Variants in MUC5B observed in about 807,000 individuals in gnomAD.
MUC5B encodes mucin-5B.
A neutral mutation model predicts 376.9 loss-of-function variants in MUC5B; 116 were observed. The ratio of observed to expected loss-of-function variants is 0.31; its 90% CI spans 0.26 to 0.36. The LOEUF is 0.36. Ranked by LOEUF, MUC5B falls within the 10% of genes least tolerant of loss-of-function variation. The pLI, the probability that MUC5B is intolerant of heterozygous loss-of-function variation, is 1.00. For missense variants in MUC5B, 7,165 were observed against 7,769.9 expected, an observed-to-expected ratio of 0.92 and a Z score of 2.93; for synonymous variants, 3,517 against 3,390.9, an observed-to-expected ratio of 1.04 and a Z score of -1.29.
Position 1,252,889 on chromosome 11 carries a change from G to A in MUC5B, c.15126G>A (p.Lys5042=). ...GDNRVVLLDP[K]PVANVTCVNK... ...ACCGTGTCGTCCTGCTGGACCCAAA[G>A]CCTGTGGCCAACGTCACCTGCGTGA... The change falls in exon 33 of 49, where the codon AAG becomes AAA. Residue 5042 remains lysine (K), a synonymous_variant. Transcript: ENST00000529681. 1.2e-6 allele frequency: 2 copies of A among 1,612,684 alleles called. No homozygotes were observed. Among genetic ancestry groups the A allele is most frequent in the South Asian group, 2.2e-5 (2 of 91,066 alleles).
At chr11:1,252,670 G>C in intron 32 of MUC5B, 139 bp from the exon 33 acceptor site, 1 of 1,388,064 alleles carries the variant, frequency 7.2e-7, no homozygotes, top group South Asian at 1.4e-5. Context: ...AGGGCCTAGG[G>C]GCCAGGCTAG....
At position 1,230,952 on chromosome 11, in the gene MUC5B, C is replaced by T. The variant is rs765961535; in HGVS notation, c.1487C>T (p.Ala496Val). 49 of 1,593,212 alleles carry T rather than the reference C, an allele frequency of 3.1e-5. No homozygotes were observed. Among genetic ancestry groups the T allele is most frequent in the Admixed American group, 2.1e-4 (12 of 57,902 alleles). ...DGGDTAIRVQ[A>V]DGGVFLNSIY... is the part of the protein sequence containing the mutation. ...CTTCCGCAGGCCATCCGGGTCCAAG[C>T]GGACGGCGGCGTGTTCCTCAACTCC... The change falls in exon 13 of 49, where the codon GCG becomes GTG. Residue 496 changes from alanine to valine, a missense_variant. Ala to Val is a moderately conservative substitution (Grantham distance 64). Around this residue, in one of 31 missense-constraint regions of MUC5B, gnomAD observed 640 missense variants for 733.0 expected, o/e 0.87. Coordinates refer to ENST00000529681, the MANE Select transcript of MUC5B (RefSeq NM_002458.3).
In MUC5B at chr11:1,239,934, G is replaced by A. The variant is rs749884490; in HGVS notation, c.3719G>A (p.Cys1240Tyr). ...VGARVPTAENCQSCNCTPSGI... is the reference protein window; with the variant it reads ...VGARVPTAENYQSCNCTPSGI... ...GCAAGGGTCCCCACAGCGGAGAACT[G>A]CCAGAGCTGGTGAGGGGGTGGGAAG... is the stretch of plus-strand genomic sequence containing the variant. The change falls in exon 28 of 49, where the codon TGC (cysteine) becomes TAC (tyrosine). Residue 1240 changes from cysteine to tyrosine, a missense_variant. Around this residue, in one of 31 missense-constraint regions of MUC5B, gnomAD observed 517 missense variants for 545.3 expected, o/e 0.95. Coordinates refer to ENST00000529681, the MANE Select transcript of MUC5B (RefSeq NM_002458.3). The A allele has an allele frequency of 6.2e-7, 1 of 1,613,162 alleles. No individual in the cohort carries two copies. The highest frequency in any genetic ancestry group is 2.2e-5 in the East Asian group (1 of 44,862).
intron 34 of MUC5B, 61 bp downstream of exon 34, chr11:1,254,412 G>A (rs910647816): frequency 6.2e-5 from 98 of 1,576,812 alleles, no homozygotes; most frequent in East Asian, 5.2e-4. Context: ...TGGGCAGGCC[G>A]ACTGCAGGCC....
rs746355621 is a variant in MUC5B at position 1,240,072 on chromosome 11, C to T, written c.3756C>T (p.Cys1252=). The T allele has an allele frequency of 8.3e-6, 13 of 1,566,960 alleles. No individual in the cohort carries two copies. Among genetic ancestry groups the T allele is most frequent in the Admixed American group, 3.6e-5 (2 of 55,516 alleles). The part of the protein sequence containing the change: ...SCNCTPSGIQ[C]AHSLEACTCT... ...ACTGCACACCCAGTGGCATCCAGTG[C>T]GCTCACAGCCTTGAGGGTAAGGAAG... The change falls in exon 29 of 49, where the codon TGC becomes TGT. Residue 1252 remains cysteine, a synonymous_variant. Coordinates refer to ENST00000529681, the MANE Select transcript of MUC5B (RefSeq NM_002458.3).
chr11:1,234,587 G>T lies in MUC5B; in HGVS notation c.2537G>T (p.Ser846Ile). The change falls in exon 21 of 49, where the codon AGT becomes ATT. Residue 846 changes from serine (S) to isoleucine (I), a missense_variant. By Grantham distance (142) the Ser-to-Ile change is moderately radical (BLOSUM62 -2). Transcript: ENST00000529681. This position sits in a 1 kb window ranked among gnomAD's most constrained non-coding sequence, Gnocchi z 6.3. ...CCCCCGGGGCTGGTGTCGGATGGGA[G>T]TGGGGGCTGCATTGCCGAGGAGGAC... ...VCPPGLVSDG[S>I]GGCIAEEDCP... 1 of 1,576,624 alleles carries T rather than the reference G, an allele frequency of 6.3e-7. No individual in the cohort carries two copies. Among genetic ancestry groups the T allele is most frequent in the East Asian group, 2.3e-5 (1 of 42,686 alleles).
At chr11:1,256,524 C>T (rs1282985442) in intron 38 of MUC5B, 147 bp from the exon 39 acceptor site, 27 of 411,540 alleles carry the variant, frequency 6.6e-5, no homozygotes, top group Non-Finnish European at 9.2e-5. Context: ...CACCCGTCCC[C>T]GCCCCCAGCC....
At position 1,244,283 on chromosome 11, in the gene MUC5B, C is replaced by T. The variant is rs375461014; in HGVS notation, c.7403C>T (p.Pro2468Leu). ...TPGTTWILTEPSTTATVTVPT... is the reference protein window; with the variant it reads ...TPGTTWILTELSTTATVTVPT... The stretch of plus-strand genomic sequence containing the variant: ...GGGACCACCTGGATCCTCACAGAGC[C>T]GAGCACTACAGCCACCGTGACGGTG... Residue 2468 changes from proline to leucine, a missense_variant, in exon 31 of 49, where the codon CCG becomes CTG. This residue lies in a region of MUC5B where 194 missense variants were observed against 268.5 expected (regional missense o/e 0.72). Transcript: ENST00000529681. 204 of 1,606,668 alleles carry T rather than the reference C, an allele frequency of 1.3e-4. No individual in the cohort carries two copies. The highest frequency in any genetic ancestry group is 2.9e-4 in the East Asian group (13 of 44,716).
Position 1,241,249 on chromosome 11 carries a change from C to G in MUC5B, c.4369C>G (p.Pro1457Ala), listed in dbSNP as rs76842723. The G allele has an allele frequency of 6.2e-5, 98 of 1,592,164 alleles. No individual in the cohort carries two copies. The East Asian group carries it at 2.2e-3, about 36-fold the overall frequency. The change falls in exon 31 of 49, where the codon CCA (proline) becomes GCA (alanine). Residue 1457 changes from proline (P) to alanine (A), a missense_variant. Around this residue, in one of 31 missense-constraint regions of MUC5B, gnomAD observed 517 missense variants for 545.3 expected, o/e 0.95. Transcript: ENST00000529681. ...SASTEPAVPTPTQTTATEKTT... is the reference protein window; with the variant it reads ...SASTEPAVPTATQTTATEKTT... ...CAGCACGGAGCCTGCTGTGCCTACC[C>G]CAACCCAGACCACAGCAACCGAAAA...
chr11:1,254,754 G>A lies in MUC5B; in HGVS notation c.15538G>A (p.Val5180Met). 1.2e-6 allele frequency: 2 copies of A among 1,612,962 alleles called. No homozygotes were observed. The highest frequency in any genetic ancestry group is 1.7e-6 in the Non-Finnish European group (2 of 1,179,794). ...CAGCAAGAACGGCGTGCTTGTGTCTGTGCTGGGGACCACCACCATGCGTGT... is the reference window on the plus strand; with the variant it reads ...CAGCAAGAACGGCGTGCTTGTGTCTATGCTGGGGACCACCACCATGCGTGT... ...GFSKNGVLVSVLGTTTMRVDI... is the reference protein window; with the variant it reads ...GFSKNGVLVSMLGTTTMRVDI... Residue 5180 changes from valine (V) to methionine (M), a missense_variant, in exon 35 of 49, where the codon GTG (valine) becomes ATG (methionine). By Grantham distance (21) the Val-to-Met change is conservative. Coordinates refer to ENST00000529681, the MANE Select transcript of MUC5B (RefSeq NM_002458.3).
At chr11:1,236,080 G>C (rs1309540511) in intron 23 of MUC5B, among the ~76,000 whole-genome samples, 2 of 152,216 alleles carry the variant, frequency 1.3e-5, no homozygotes, top group Admixed American at 1.3e-4. Flanking sequence ...GGGGAGGCTG[G>C]TGTGAGGGCG....
At position 1,234,867 on chromosome 11, in the gene MUC5B, TG is replaced by T. The variant is rs968737002; in HGVS notation, c.2630+189del. ...GCCATGGGCCGTCCTGTGCGTCCTC[TG>T]GAAGGTGGCCCAGGGGCCGTGGTGC... On this transcript the variant is annotated intron_variant, in intron 21 of 48. Transcript: ENST00000529681. The surrounding 1 kb of genome is among the most constrained non-coding windows in gnomAD (Gnocchi z 6.3). Among the ~76,000 whole-genome samples the T allele has an allele frequency of 3.9e-5, 6 of 151,960 alleles. No homozygotes were observed. The highest frequency in any genetic ancestry group is 7.4e-5 in the Non-Finnish European group (5 of 67,936).
rs778408320 is a variant in MUC5B at position 1,250,484 on chromosome 11, C to T, written c.13604C>T (p.Thr4535Ile). Residue 4535 changes from threonine to isoleucine, a missense_variant, in exon 31 of 49, where the codon ACC becomes ATC. Around this residue, in one of 31 missense-constraint regions of MUC5B, gnomAD observed 431 missense variants for 390.4 expected, o/e 1.10. Coordinates refer to ENST00000529681, the MANE Select transcript of MUC5B (RefSeq NM_002458.3). ...TCCTCCTCCCTGGGCACCACCTGGA[C>T]CCGCCTATCACAGACCACCACACCC... Reference protein sequence around the residue: ...IPSSSLGTTWTRLSQTTTPTA... With the variant: ...IPSSSLGTTWIRLSQTTTPTA... The T allele has an allele frequency of 7.5e-6, 12 of 1,599,674 alleles. No individual in the cohort carries two copies. In the African/African-American group the frequency reaches 1.2e-4, roughly 16 times the overall value.
At chr11:1,227,585 G>A in intron 6 of MUC5B, 90 bp from the exon 7 acceptor site, 1 of 678,192 alleles carries the variant, frequency 1.5e-6, no homozygotes, top group Non-Finnish European at 2.8e-6. Flanking sequence ...AGGAGTGGGA[G>A]TCCTCTGGCC....
Position 1,249,133 on chromosome 11 carries a change from A to G in MUC5B, c.12253A>G (p.Thr4085Ala). 6.2e-7 allele frequency: 1 copy of G among 1,606,542 alleles called. No individual in the cohort carries two copies. The highest frequency in any genetic ancestry group is 2.2e-5 in the East Asian group (1 of 44,686). Residue 4085 changes from threonine (T) to alanine (A), a missense_variant, in exon 31 of 49, where the codon ACC (threonine) becomes GCC (alanine). Thr to Ala is a moderately conservative substitution (Grantham distance 58, BLOSUM62 0). Around this residue, in one of 31 missense-constraint regions of MUC5B, gnomAD observed 85 missense variants for 78.2 expected, o/e 1.09. Transcript: ENST00000529681. Reference protein sequence around the residue: ...TTESPPSPGTTTPGHTTATSR... With the variant: ...TTESPPSPGTATPGHTTATSR... ...CGAGTCACCCCCTTCCCCAGGGACG[A>G]CCACCCCGGGCCACACCACGGCCAC...
chr11:1,258,186 GT>G lies in MUC5B; in HGVS notation c.16539del (p.Thr5515ProfsTer87). On this transcript the variant is annotated frameshift_variant, in exon 42 of 49. Transcript: ENST00000529681. LOFTEE classifies it high-confidence loss of function. The surrounding 1 kb of genome is among the most constrained non-coding windows in gnomAD (Gnocchi z 5.5). The part of the protein sequence containing the change: ...SICTQEEGDC[C>X]PTFRCRPQLC... ...TGCACCCAGGAGGAGGGCGACTGCT[GT>G]CCCACCTTCCGCTGCAGTGAGCGGG... 6.3e-7 allele frequency: 1 copy of G among 1,598,154 alleles called. No individual in the cohort carries two copies. Among genetic ancestry groups the G allele is most frequent in the Non-Finnish European group, 8.5e-7 (1 of 1,173,976 alleles).
intron 1 of MUC5B, chr11:1,223,526 G>A (rs957956487): frequency 1.6e-5 from 7 of 425,026 alleles, no homozygotes; most frequent in African/African-American, 1.4e-4. Context: ...CACAGCTGGG[G>A]GTCTCTCTGG....
At chr11:1,233,328 C>T in intron 18 of MUC5B, 60 bp downstream of exon 18, 2 of 1,449,986 alleles carry the variant, frequency 1.4e-6, no homozygotes, top group Non-Finnish European at 1.8e-6. Context: ...TTCCCGCCCT[C>T]CCCGAAGGCT....
chr11:1,246,752 G>T lies in MUC5B; in HGVS notation c.9872G>T (p.Gly3291Val), dbSNP rs1435717512. The T allele has an allele frequency of 6.2e-7, 1 of 1,608,790 alleles. No individual in the cohort carries two copies. Among genetic ancestry groups the T allele is most frequent in the Non-Finnish European group, 8.5e-7 (1 of 1,177,290 alleles). The change falls in exon 31 of 49, where the codon GGC becomes GTC. Residue 3291 changes from glycine (G) to valine (V), a missense_variant. By Grantham distance (109) the Gly-to-Val change is moderately radical. Around this residue, in one of 31 missense-constraint regions of MUC5B, gnomAD observed 939 missense variants for 770.6 expected, o/e 1.22. Coordinates refer to ENST00000529681, the MANE Select transcript of MUC5B (RefSeq NM_002458.3). ...ACGACCACCACAACCAGGGCCACCG[G>T]CTCTGTGGCCACCCCCTCCTCCACC... The part of the protein sequence containing the change: ...TTTTTTTRAT[G>V]SVATPSSTPG...
Sources: allele counts gnomAD v4.1 joint callset (sites outside exome capture counted in the v4.1 genomes callset), GRCh38; gene constraint gnomAD v4.1.1; regional missense constraint gnomAD v4.1.1; non-coding constraint Gnocchi (gnomAD v3.1); transcripts MANE v1.5; gene names NCBI Gene and HGNC (gene_info 2026-07-23, HGNC 2026-07-21).